Variants in KSR2 observed in about 807,000 individuals in gnomAD.
The protein encoded by KSR2 is kinase suppressor of ras 2.
A neutral mutation model predicts 107.8 loss-of-function variants in KSR2; 25 were observed. The ratio of observed to expected loss-of-function variants is 0.23; its 90% CI spans 0.17 to 0.32. The LOEUF (loss-of-function observed/expected upper bound fraction) is 0.32. Among genes scored for constraint, KSR2 ranks in the 10% least tolerant of loss-of-function variants. KSR2 has a pLI of 1.00. For missense variants in KSR2, 887 were observed against 1,268.9 expected (o/e 0.70, Z 4.57); for synonymous variants, 480 against 507.0 (o/e 0.95, Z 0.71).
intron 16 of KSR2, among the ~76,000 whole-genome samples, chr12:117,477,507 T>A (rs1426980632): frequency 6.6e-6 from 1 of 152,090 alleles, no homozygotes; most frequent in Admixed American, 6.5e-5. Context: ...ATGAGTTCAA[T>A]AAACAGGAAA....
At chr12:117,877,291 C>T (rs1354615000) in intron 1 of KSR2, among the ~76,000 whole-genome samples, 1 of 151,936 alleles carries the variant, frequency 6.6e-6, no homozygotes, top group South Asian at 2.1e-4. Flanking sequence ...GAGCCAAGAT[C>T]GCACCACTGC....
chr12:117,817,914 A>T (rs1891430378), intron 3 of KSR2, among the ~76,000 whole-genome samples: 1 of 152,106 alleles, frequency 6.6e-6, no homozygotes, highest in South Asian at 2.1e-4. Context: ...AAGGCGGGCC[A>T]ACACAGTAAA....
chr12:117,498,957 A>G (rs565307085), intron 14 of KSR2, among the ~76,000 whole-genome samples: 37 of 152,210 alleles, frequency 2.4e-4, no homozygotes, highest in Non-Finnish European at 4.3e-4. Context: ...AAAATGGACT[A>G]ATACACTAAG....
At chr12:117,785,414 CAAAAAAAAAAAAAAAAAA>C (rs374881532) in intron 3 of KSR2, among the ~76,000 whole-genome samples, 3 of 37,408 alleles carry the variant, frequency 8.0e-5, no homozygotes, top group Non-Finnish European at 2.0e-4. Flanking sequence ...GACTCCATCT[CAAAAAAAAAAAAAAAAAA>C]AAAAAAAAAA....
chr12:117,919,428 A>G (rs956649667), intron 1 of KSR2, among the ~76,000 whole-genome samples: 1 of 152,256 alleles, frequency 6.6e-6, no homozygotes, highest in African/African-American at 2.4e-5. Flanking sequence ...TGGAGGGATC[A>G]TCAGCTTTGA....
At chr12:117,618,154 T>C (rs1007913997) in intron 5 of KSR2, among the ~76,000 whole-genome samples, 1 of 152,182 alleles carries the variant, frequency 6.6e-6, no homozygotes, top group Non-Finnish European at 1.5e-5. Flanking sequence ...AAATTTTCCT[T>C]CTGGCAAGCA....
intron 3 of KSR2, among the ~76,000 whole-genome samples, chr12:117,810,227 G>A (rs972648512): frequency 1.1e-4 from 16 of 152,068 alleles, no homozygotes; most frequent in African/African-American, 3.9e-4. Flanking sequence ...CATAATTCAG[G>A]AACTATCACT....
intron 10 of KSR2, among the ~76,000 whole-genome samples, chr12:117,538,604 C>T (rs1452594091): frequency 6.6e-6 from 1 of 152,090 alleles, no homozygotes; most frequent in African/African-American, 2.4e-5. Flanking sequence ...ACCAGAGCAT[C>T]CAATGGAACT....
At chr12:117,546,909 T>C (rs1238505367) in intron 9 of KSR2, among the ~76,000 whole-genome samples, 1 of 152,358 alleles carries the variant, frequency 6.6e-6, no homozygotes, top group East Asian at 1.9e-4. Context: ...AGAACGTTCA[T>C]AATTGCTTAT....
intron 7 of KSR2, among the ~76,000 whole-genome samples, chr12:117,577,900 G>C (rs906018810): frequency 6.6e-6 from 1 of 152,200 alleles, no homozygotes; most frequent in African/African-American, 2.4e-5. Flanking sequence ...GAAAATACTA[G>C]GGACAGAAAT....
intron 1 of KSR2, among the ~76,000 whole-genome samples, chr12:117,935,937 G>A (rs1002551495): frequency 1.3e-5 from 2 of 152,006 alleles, no homozygotes; most frequent in African/African-American, 4.8e-5. Context: ...TTAAGTCTTT[G>A]CTCAAATGTC....
chr12:117,480,211 A>C (rs1218442977), intron 16 of KSR2, among the ~76,000 whole-genome samples: 1 of 152,112 alleles, frequency 6.6e-6, no homozygotes. Flanking sequence ...GCCAAAGGGA[A>C]GCTTCTCTGC....
In KSR2 at chr12:117,503,930, A is replaced by G. The variant is rs368982011; in HGVS notation, c.2220-18239T>C. Among the ~76,000 whole-genome samples, 14 of 152,276 alleles carry G rather than the reference A, an allele frequency of 9.2e-5. No individual in the cohort carries two copies. The East Asian group carries it at 9.6e-4, about 10-fold the overall frequency. On this transcript the variant is annotated intron_variant, in intron 14 of 19. Transcript: ENST00000339824. ...AAGCAAACTCTGGGATGGGAGTTGT[A>G]TTTTCCTTTGTGTTGAAAAAACGTA...
At chr12:117,661,603 C>T (rs543249759) in intron 5 of KSR2, among the ~76,000 whole-genome samples, 7 of 152,210 alleles carry the variant, frequency 4.6e-5, no homozygotes, top group South Asian at 4.1e-4. Context: ...CCATATAACC[C>T]GGGGATTCTG....
chr12:117,732,462 G>C (rs546123289), intron 4 of KSR2, among the ~76,000 whole-genome samples: 1 of 151,948 alleles, frequency 6.6e-6, no homozygotes, highest in Admixed American at 6.6e-5. Flanking sequence ...CTAATTTTTT[G>C]TATTTTTAGT....
At chr12:117,517,475 G>A (rs1247027175) in intron 14 of KSR2, among the ~76,000 whole-genome samples, 4 of 152,198 alleles carry the variant, frequency 2.6e-5, no homozygotes, top group South Asian at 2.1e-4. Flanking sequence ...GATGTCACAC[G>A]TGCTAATTCA....
intron 2 of KSR2, 106 bp from the exon 3 acceptor site, chr12:117,855,684 C>T (rs923957844): frequency 9.6e-6 from 11 of 1,145,850 alleles, no homozygotes; most frequent in South Asian, 1.4e-5. Context: ...AGTGTAAACG[C>T]TTTGCATGAC....
chr12:117,768,862 G>C (rs1225241159), intron 3 of KSR2, among the ~76,000 whole-genome samples: 1 of 152,250 alleles, frequency 6.6e-6, no homozygotes, highest in Non-Finnish European at 1.5e-5. Context: ...CAAGTGGCTT[G>C]CTCGAGGCCA....
intron 3 of KSR2, among the ~76,000 whole-genome samples, chr12:117,784,198 A>G (rs951045315): frequency 2.9e-4 from 44 of 152,226 alleles, no homozygotes; most frequent in African/African-American, 1.0e-3. Context: ...TTGAATTGTC[A>G]TAATCCCTAC....
Sources: allele counts gnomAD v4.1 joint callset (sites outside exome capture counted in the v4.1 genomes callset), GRCh38; gene constraint gnomAD v4.1.1; transcripts MANE v1.5; gene names NCBI Gene and HGNC (gene_info 2026-07-23, HGNC 2026-07-21).